MAP3K2: variants seen among roughly 807,000 people sequenced by gnomAD.
MAP3K2 encodes the protein mitogen-activated protein kinase kinase kinase 2.
In MAP3K2, 24 loss-of-function variants were observed where a neutral mutation model predicts 80.3. The ratio of observed to expected loss-of-function variants is 0.30; its 90% CI spans 0.22 to 0.42. The LOEUF is 0.42. Ranked by LOEUF, MAP3K2 falls within the 10% of genes least tolerant of loss-of-function variation. The pLI is 1.00. For missense variants in MAP3K2, 608 were observed against 750.1 expected (o/e 0.81, Z 2.21); for synonymous variants, 244 against 253.7 (o/e 0.96, Z 0.36).
rs1685868768 is a variant in MAP3K2, at chr2:127,314,746, T to C, written c.1456+8A>G. The C allele has an allele frequency of 7.5e-6, 12 of 1,595,744 alleles. No homozygotes were observed. The highest frequency in any genetic ancestry group is 1.0e-5 in the Non-Finnish European group (12 of 1,168,160). On this transcript the variant is annotated splice_region_variant and intron_variant, in intron 15 of 16. Transcript: ENST00000682094. ...TGTACTTAAAATAGAAAATACCTCA[T>C]TACTTACCTTTGATATCTCTATGGA...
intron 3 of MAP3K2, 84 bp from the exon 4 acceptor site, chr2:127,337,862 TTTTG>T: frequency 4.7e-6 from 4 of 855,950 alleles, no homozygotes; most frequent in Non-Finnish European, 5.3e-6. Flanking sequence ...TTCTAAATGA[TTTTG>T]TTTTTTAGCC....
chr2:127,366,002 T>C (rs896340793), intron 1 of MAP3K2, among the ~76,000 whole-genome samples: 1 of 152,230 alleles, frequency 6.6e-6, no homozygotes, highest in Non-Finnish European at 1.5e-5. Flanking sequence ...GAGATCTTCT[T>C]GCATATATAA....
intron 1 of MAP3K2, 31 bp downstream of exon 1, chr2:127,387,421 C>CA (rs1553520017): frequency 4.1e-6 from 4 of 970,106 alleles, no homozygotes; most frequent in African/African-American, 1.8e-5. Flanking sequence ...CACACACACA[C>CA]AAGCGCGCGC....
chr2:127,325,600 A>T, intron 9 of MAP3K2, 128 bp downstream of exon 9: 2 of 644,086 alleles, frequency 3.1e-6, no homozygotes, highest in Non-Finnish European at 5.4e-6. Context: ...AGGTGGGAGG[A>T]CTGATGGAGC....
chr2:127,354,210 C>G lies in MAP3K2; in HGVS notation c.-65-11016G>C, dbSNP rs1261359577. 4.3e-5 allele frequency among the ~76,000 whole-genome samples: 6 copies of G among 140,120 alleles called. 1 individual carries two copies. The highest frequency in any genetic ancestry group is 1.6e-4 in the African/African-American group (6 of 36,592). The allele number at this position is 140,120 out of a possible 152,430, so 91.9% of individuals were successfully genotyped here. ...TGTCCTATGACCCTGCCAAATACCC[C>G]TCTGCGAGAAACACCCAAGAATGAT... On this transcript the variant is annotated intron_variant, in intron 1 of 16. Coordinates refer to ENST00000682094, the MANE Select transcript of MAP3K2 (RefSeq NM_001371910.2).
intron 14 of MAP3K2, among the ~76,000 whole-genome samples, chr2:127,315,211 A>G (rs1685877622): frequency 6.6e-6 from 1 of 152,222 alleles, no homozygotes; most frequent in African/African-American, 2.4e-5. Flanking sequence ...AGGGCAGGAT[A>G]AGGTGCCATC....
At chr2:127,349,640 CTT>C (rs1232967666) in intron 1 of MAP3K2, among the ~76,000 whole-genome samples, 2 of 152,170 alleles carry the variant, frequency 1.3e-5, no homozygotes, top group South Asian at 2.1e-4. Flanking sequence ...GATAATATAA[CTT>C]ATAAAGTTGG....
intron 1 of MAP3K2, among the ~76,000 whole-genome samples, chr2:127,352,889 C>T (rs1263550593): frequency 2.0e-5 from 3 of 152,124 alleles, no homozygotes; most frequent in African/African-American, 4.8e-5. Context: ...TTGGTGGAGA[C>T]GCGGTTTCGC....
At chr2:127,388,306 GA>G, upstream of MAP3K2, 1 of 985,630 alleles carries the variant, frequency 1.0e-6, no homozygotes, top group Non-Finnish European at 1.2e-6. Flanking sequence ...TAGATCCCGT[GA>G]AAAGGTCTCC....
At chr2:127,326,661 A>G in intron 8 of MAP3K2, 26 bp downstream of exon 8, 3 of 1,501,510 alleles carry the variant, frequency 2.0e-6, no homozygotes, top group Middle Eastern at 1.8e-4. Flanking sequence ...TTTAAATTAA[A>G]TTTAAAAAAT....
chr2:127,314,587 C>T (rs1173768236), intron 15 of MAP3K2, among the ~76,000 whole-genome samples, 167 bp downstream of exon 15: 2 of 152,186 alleles, frequency 1.3e-5, no homozygotes, highest in African/African-American at 4.8e-5. Context: ...GGAGACAGGA[C>T]TGGTGTGATA....
At chr2:127,317,601 G>A in intron 14 of MAP3K2, 28 bp downstream of exon 14, 9 of 1,492,396 alleles carry the variant, frequency 6.0e-6, no homozygotes, top group Non-Finnish European at 7.2e-6. Context: ...AATAGAATGT[G>A]TATTTTCAAA....
chr2:127,331,170 A>G (rs1195258322), intron 5 of MAP3K2, among the ~76,000 whole-genome samples: 1 of 152,240 alleles, frequency 6.6e-6, no homozygotes, highest in African/African-American at 2.4e-5. Flanking sequence ...AGCAGATGTT[A>G]TAGAGGACAA....
chr2:127,379,964 C>T (rs191816382), intron 1 of MAP3K2, among the ~76,000 whole-genome samples: 12 of 152,200 alleles, frequency 7.9e-5, no homozygotes, highest in African/African-American at 2.9e-4. Context: ...AAAAGCAGTA[C>T]TGAAATCAGT....
rs532909708 is a variant in MAP3K2, at chr2:127,361,829, G to A, written c.-65-18635C>T. On this transcript the variant is annotated intron_variant, in intron 1 of 16. Coordinates refer to ENST00000682094, the MANE Select transcript of MAP3K2 (RefSeq NM_001371910.2). The stretch of plus-strand genomic sequence containing the variant: ...TAGGGACCTGGGTTCAAAACCTAGC[G>A]GTAGTTATAGGTGACTCTCGGCTAT... 3.3e-5 allele frequency among the ~76,000 whole-genome samples: 5 copies of A among 152,254 alleles called. No individual in the cohort carries two copies. The South Asian group carries it at 6.2e-4, about 19-fold the overall frequency.
At chr2:127,369,081 G>A (rs897211967) in intron 1 of MAP3K2, among the ~76,000 whole-genome samples, 13 of 150,448 alleles carry the variant, frequency 8.6e-5, no homozygotes, top group Admixed American at 2.0e-4. Context: ...CGGAGTAGCT[G>A]GGATTACAGG....
intron 5 of MAP3K2, 70 bp from the exon 6 acceptor site, chr2:127,330,575 C>A: frequency 6.0e-6 from 4 of 672,266 alleles, no homozygotes; most frequent in South Asian, 5.7e-5. Flanking sequence ...ATCTCCACTA[C>A]TAAGGAATTA....
At chr2:127,368,031 G>GC (rs372204381) in intron 1 of MAP3K2, among the ~76,000 whole-genome samples, 171 of 152,218 alleles carry the variant, frequency 1.1e-3, no homozygotes, top group Middle Eastern at 3.4e-3. Context: ...ATATAAAATG[G>GC]CAAGTATCGG....
At chr2:127,348,633 G>A (rs1377689342) in intron 1 of MAP3K2, among the ~76,000 whole-genome samples, 1 of 152,130 alleles carries the variant, frequency 6.6e-6, no homozygotes, top group Non-Finnish European at 1.5e-5. Context: ...TATCTTTTGG[G>A]GGATGAGGAA....
Sources: allele counts gnomAD v4.1 joint callset (sites outside exome capture counted in the v4.1 genomes callset), GRCh38; gene constraint gnomAD v4.1.1; transcripts MANE v1.5; gene names NCBI Gene and HGNC (gene_info 2026-07-23, HGNC 2026-07-21).